BBX: variants seen among roughly 807,000 people sequenced by gnomAD.
The protein encoded by BBX is BBX high mobility group box domain containing.
In BBX, 30 loss-of-function variants were observed where a neutral mutation model predicts 100.2. The observed-to-expected ratio is 0.30, with a 90% CI of 0.22 to 0.41. The LOEUF (loss-of-function observed/expected upper bound fraction) is 0.41, where lower values mean the gene tolerates loss of function less well. Ranked by LOEUF, BBX falls within the 10% of genes least tolerant of loss-of-function variation. BBX has a pLI of 1.00. For missense variants in BBX, 1,023 were observed against 1,129.8 expected (o/e 0.91, Z 1.35); for synonymous variants, 376 against 388.1 (o/e 0.97, Z 0.37).
chr3:107,735,975 T>C (rs531573555), intron 7 of BBX, among the ~76,000 whole-genome samples: 5 of 152,268 alleles, frequency 3.3e-5, no homozygotes, highest in African/African-American at 1.2e-4. Flanking sequence ...TAGTTTGTTT[T>C]GTTTATTTTA....
chr3:107,697,939 G>A (rs1204370568), intron 3 of BBX, among the ~76,000 whole-genome samples: 1 of 151,914 alleles, frequency 6.6e-6, no homozygotes, highest in African/African-American at 2.4e-5. Flanking sequence ...CGCAGTATTC[G>A]GGTGGGAGTG....
chr3:107,787,051 C>CT (rs1458121223), intron 13 of BBX, among the ~76,000 whole-genome samples: 4 of 152,136 alleles, frequency 2.6e-5, no homozygotes, highest in Non-Finnish European at 1.5e-5. Context: ...CAGTTAATAT[C>CT]ATCAGTCATC....
chr3:107,770,734 C>T (rs77379424), intron 10 of BBX, among the ~76,000 whole-genome samples: 4,253 of 152,198 alleles, frequency 0.028, 209 homozygotes, highest in African/African-American at 0.097. Context: ...GTGAATGATC[C>T]GAAGGGCTGT....
rs530448449 is a variant in BBX, at chr3:107,719,855, A to G, written c.405+3006A>G. 8.5e-4 allele frequency among the ~76,000 whole-genome samples: 129 copies of G among 152,158 alleles called. 1 individual carries two copies. The highest frequency in any genetic ancestry group is 3.3e-3 in the South Asian group (16 of 4,824). ...ACAAATCTCTGCATTTTTGCCTGCAATACTGCTGGAACCTTCTATTTGTCA... is the reference window on the plus strand; with the variant it reads ...ACAAATCTCTGCATTTTTGCCTGCAGTACTGCTGGAACCTTCTATTTGTCA... On this transcript the variant is annotated intron_variant, in intron 5 of 17. Coordinates refer to ENST00000325805, the MANE Select transcript of BBX (RefSeq NM_001142568.3).
intron 2 of BBX, among the ~76,000 whole-genome samples, chr3:107,565,473 T>TTATTTATTTATG (rs1426922418): frequency 1.3e-5 from 2 of 149,446 alleles, no homozygotes; most frequent in East Asian, 3.9e-4. Flanking sequence ...ATTTATTTAT[T>TTATTTATTTATG]TATTTATGTA....
intron 2 of BBX, among the ~76,000 whole-genome samples, chr3:107,575,198 T>A (rs965060430): frequency 6.6e-6 from 1 of 152,224 alleles, no homozygotes; most frequent in Non-Finnish European, 1.5e-5. Flanking sequence ...ATAATTTCAA[T>A]TAAAAATAGT....
intron 5 of BBX, among the ~76,000 whole-genome samples, chr3:107,725,389 A>G (rs2062846954): frequency 2.6e-5 from 4 of 152,136 alleles, no homozygotes; most frequent in Non-Finnish European, 5.9e-5. Flanking sequence ...TCCTAATTGA[A>G]TACCCTTTAT....
intron 2 of BBX, among the ~76,000 whole-genome samples, chr3:107,576,582 G>T (rs1428281553): frequency 6.6e-6 from 1 of 152,106 alleles, no homozygotes; most frequent in Non-Finnish European, 1.5e-5. Flanking sequence ...AAATTTAAAA[G>T]AATCTATAGA....
At chr3:107,557,014 T>G (rs990717419) in intron 2 of BBX, among the ~76,000 whole-genome samples, 1 of 152,208 alleles carries the variant, frequency 6.6e-6, no homozygotes, top group Non-Finnish European at 1.5e-5. Flanking sequence ...CTTTTGATTT[T>G]TGATTTTTTA....
chr3:107,772,934 C>A lies in BBX; in HGVS notation c.1213C>A (p.His405Asn). ...GTTAGAAGAAGATCACAAATGTAGT[C>A]ATTTTCCTGATTTTTCTTATTCTGC... ...EELEEDHKCS[H>N]FPDFSYSASS... The change falls in exon 11 of 18, where the codon CAT becomes AAT. Residue 405 changes from histidine (H) to asparagine (N), a missense_variant. This residue lies in a region of BBX where 348 missense variants were observed against 353.2 expected (regional missense o/e 0.99). Coordinates refer to ENST00000325805, the MANE Select transcript of BBX (RefSeq NM_001142568.3). 6.2e-7 allele frequency: 1 copy of A among 1,611,676 alleles called. No homozygotes were observed. Among genetic ancestry groups the A allele is most frequent in the South Asian group, 1.1e-5 (1 of 90,090 alleles).
intron 3 of BBX, among the ~76,000 whole-genome samples, chr3:107,709,381 C>A (rs1455773115): frequency 1.3e-5 from 2 of 152,124 alleles, no homozygotes; most frequent in Non-Finnish European, 2.9e-5. Flanking sequence ...GTTCATTAAT[C>A]CCAGTTTCTG....
At position 107,717,553 on chromosome 3, in the gene BBX, A is replaced by G. The variant is rs568372146; in HGVS notation, c.405+704A>G. Among the ~76,000 whole-genome samples, 13 of 152,290 alleles carry G rather than the reference A, an allele frequency of 8.5e-5. No homozygotes were observed. In the South Asian group the frequency reaches 2.5e-3, roughly 29 times the overall value. ...AATATTTAAAACCAATAAATGATTG[A>G]ATACCAGTGGAACAGGATGTACTGC... On this transcript the variant is annotated intron_variant, in intron 5 of 17. Transcript: ENST00000325805.
chr3:107,631,893 A>G (rs918728023), intron 2 of BBX, among the ~76,000 whole-genome samples: 3 of 152,212 alleles, frequency 2.0e-5, no homozygotes, highest in African/African-American at 7.2e-5. Flanking sequence ...ATTTTTGCAT[A>G]TATTTATATC....
intron 3 of BBX, among the ~76,000 whole-genome samples, chr3:107,658,683 CA>C (rs375261626): frequency 6.6e-6 from 1 of 152,042 alleles, no homozygotes; most frequent in African/African-American, 2.4e-5. Context: ...TTAAAAACTA[CA>C]GCTGTTATTT....
At chr3:107,533,329 A>G (rs1322332093) in intron 2 of BBX, among the ~76,000 whole-genome samples, 1 of 152,206 alleles carries the variant, frequency 6.6e-6, no homozygotes, top group Non-Finnish European at 1.5e-5. Context: ...AACCCAATGA[A>G]AAATTATTTT....
At chr3:107,719,054 A>G (rs914610437) in intron 5 of BBX, among the ~76,000 whole-genome samples, 1 of 152,040 alleles carries the variant, frequency 6.6e-6, no homozygotes, top group African/African-American at 2.4e-5. Flanking sequence ...TGCAGCCTTA[A>G]CTGGAATGTT....
chr3:107,803,367 A>G (rs1254829841), intron 17 of BBX, among the ~76,000 whole-genome samples: 2 of 152,194 alleles, frequency 1.3e-5, no homozygotes, highest in East Asian at 3.9e-4. Flanking sequence ...TCTACCCACC[A>G]GGCTTCTACC....
chr3:107,609,123 C>G lies in BBX; in HGVS notation c.-83-36713C>G, dbSNP rs924673052. On this transcript the variant is annotated intron_variant, in intron 2 of 17. Coordinates refer to ENST00000325805, the MANE Select transcript of BBX (RefSeq NM_001142568.3). The stretch of plus-strand genomic sequence containing the variant: ...CGGTGGTGAAAGTAGGTGTCCTTGT[C>G]TTGTTCCAGATCTTAGAGGAAAGGC... Among the ~76,000 whole-genome samples the G allele has an allele frequency of 1.9e-4, 29 of 152,058 alleles. 1 individual carries two copies. Among genetic ancestry groups the G allele is most frequent in the Admixed American group, 1.0e-3 (16 of 15,266 alleles).
At chr3:107,584,052 TATTATATATATCATA>T (rs2052532481) in intron 2 of BBX, among the ~76,000 whole-genome samples, 5 of 43,220 alleles carry the variant, frequency 1.2e-4, no homozygotes, top group Non-Finnish European at 1.9e-4. Context: ...ATATTATATA[TATTATATATATCATA>T]TATTATATAT....
Sources: allele counts gnomAD v4.1 joint callset (sites outside exome capture counted in the v4.1 genomes callset), GRCh38; gene constraint gnomAD v4.1.1; regional missense constraint gnomAD v4.1.1; transcripts MANE v1.5; gene names NCBI Gene and HGNC (gene_info 2026-07-23, HGNC 2026-07-21).